The following KCNS3 variants were observed in gnomAD, a reference collection of about 807,000 sequenced individuals.
KCNS3 encodes potassium voltage-gated channel modifier subfamily S member 3, also known as delayed-rectifier potassium channel regulatory subunit KCNS3.
Under a neutral mutation model 31.0 loss-of-function variants are expected in KCNS3, and 13 were observed. That is an observed-to-expected ratio of 0.42 (90% CI 0.27 to 0.67). The LOEUF (loss-of-function observed/expected upper bound fraction) is 0.67. Ranked by LOEUF, KCNS3 falls within the 30% of genes least tolerant of loss-of-function variation. KCNS3 has a pLI of 0.25. For synonymous variants in KCNS3, 238 were observed against 241.5 expected, an observed-to-expected ratio of 0.99 and a Z score of 0.13; for missense variants, 545 against 622.4, an observed-to-expected ratio of 0.88 and a Z score of 1.32.
intron 1 of KCNS3, among the ~76,000 whole-genome samples, chr2:17,888,639 A>ATATATC (rs1558446978): frequency 1.3e-4 from 10 of 75,326 alleles, no homozygotes; most frequent in African/African-American, 2.9e-4. Context: ...GTATATATAT[A>ATATATC]TATATATATA....
intron 2 of KCNS3, among the ~76,000 whole-genome samples, chr2:17,929,282 T>TA (rs1225496531): frequency 6.6e-6 from 1 of 152,178 alleles, no homozygotes; most frequent in East Asian, 1.9e-4. Context: ...TTAATTGACT[T>TA]ACAGTTCTGC....
At chr2:17,927,288 A>G (rs938509067) in intron 2 of KCNS3, among the ~76,000 whole-genome samples, 1 of 152,150 alleles carries the variant, frequency 6.6e-6, no homozygotes, top group African/African-American at 2.4e-5. Flanking sequence ...CCACTCAACA[A>G]GTCTCTGGGA....
intron 1 of KCNS3, among the ~76,000 whole-genome samples, chr2:17,900,030 C>T (rs993678691): frequency 2.0e-5 from 3 of 152,114 alleles, no homozygotes; most frequent in African/African-American, 7.2e-5. Context: ...CATTGGAGAG[C>T]GGGCGTGGTC....
At chr2:17,889,260 T>C (rs965159876) in intron 1 of KCNS3, among the ~76,000 whole-genome samples, 13 of 152,196 alleles carry the variant, frequency 8.5e-5, no homozygotes, top group African/African-American at 3.1e-4. Context: ...GAGCTACTGA[T>C]TTGTGTACAT....
chr2:17,879,675 C>T (rs866797656), intron 1 of KCNS3, among the ~76,000 whole-genome samples: 5 of 152,338 alleles, frequency 3.3e-5, no homozygotes, highest in African/African-American at 1.2e-4. Flanking sequence ...TTGTCCTGCA[C>T]CCCCAACCCC....
At chr2:17,894,832 C>T (rs1661984736) in intron 1 of KCNS3, among the ~76,000 whole-genome samples, 1 of 152,190 alleles carries the variant, frequency 6.6e-6, no homozygotes, top group Non-Finnish European at 1.5e-5. Context: ...CCAAAGACCT[C>T]CTTTGCTTCC....
At chr2:17,885,273 T>C (rs968153763) in intron 1 of KCNS3, among the ~76,000 whole-genome samples, 5 of 152,254 alleles carry the variant, frequency 3.3e-5, no homozygotes, top group African/African-American at 1.2e-4. Context: ...CTTTTTGTGT[T>C]TCAGTGGGAC....
intron 1 of KCNS3, chr2:17,879,596 A>G (rs1674592761): frequency 6.6e-6 from 1 of 151,546 alleles, no homozygotes; most frequent in Non-Finnish European, 1.5e-5. Flanking sequence ...CACCTTGGCT[A>G]GCAAGCGAGC....
At chr2:17,913,360 G>A (rs1365777977) in intron 1 of KCNS3, among the ~76,000 whole-genome samples, 43 of 152,230 alleles carry the variant, frequency 2.8e-4, no homozygotes, top group Admixed American at 6.5e-5. Flanking sequence ...AGGAGTGGGC[G>A]TATTCAGCAG....
At chr2:17,886,293 A>G (rs901586433) in intron 1 of KCNS3, among the ~76,000 whole-genome samples, 3 of 152,198 alleles carry the variant, frequency 2.0e-5, no homozygotes, top group African/African-American at 7.2e-5. Flanking sequence ...ATTTCCTATG[A>G]TTTACTTGAG....
rs1663034038 is a variant in KCNS3, at chr2:17,932,772, A to C, written c.*288A>C. 1 of 298,814 alleles carries C rather than the reference A, an allele frequency of 3.3e-6. No homozygotes were observed. Among genetic ancestry groups the C allele is most frequent in the African/African-American group, 2.2e-5 (1 of 45,556 alleles). The allele number at this position is 298,814 out of a possible 1,614,324, so 18.5% of individuals were successfully genotyped here. ...TGGGGTTTGTGGCTACAGCTTATGC[A>C]TCATTCTGTGTTTGTCATTTACTCA... On this transcript the variant is annotated 3_prime_UTR_variant, in exon 3 of 3. Transcript: ENST00000304101.
intron 1 of KCNS3, among the ~76,000 whole-genome samples, chr2:17,899,190 C>T (rs1462700396): frequency 2.0e-5 from 3 of 152,258 alleles, no homozygotes; most frequent in East Asian, 1.9e-4. Context: ...CCCACCACTG[C>T]ACTCCAGCCT....
At chr2:17,887,996 C>A (rs796463183) in intron 1 of KCNS3, among the ~76,000 whole-genome samples, 1 of 151,832 alleles carries the variant, frequency 6.6e-6, no homozygotes. Context: ...CTATTTATGT[C>A]CTTAGCCCAC....
Position 17,932,199 on chromosome 2 carries a change from G to T in KCNS3, c.1191G>T (p.Val397=), listed in dbSNP as rs758979123. Residue 397 remains valine (V), a synonymous_variant, in exon 3 of 3, where the codon GTG becomes GTT. Coordinates refer to ENST00000304101, the MANE Select transcript of KCNS3 (RefSeq NM_002252.5). Reference sequence around the variant, plus strand: ...CATGCATCATCTGTGGCATCTTGGTGGTGGCCCTTCCCATCACCATCATCT... The same window carrying T: ...CATGCATCATCTGTGGCATCTTGGTTGTGGCCCTTCCCATCACCATCATCT... ...ASTCIICGIL[V]VALPITIIFN... 6.8e-6 allele frequency: 11 copies of T among 1,613,912 alleles called. No homozygotes were observed. The highest frequency in any genetic ancestry group is 9.3e-6 in the Non-Finnish European group (11 of 1,179,992).
chr2:17,884,939 T>G (rs1266426735), intron 1 of KCNS3, among the ~76,000 whole-genome samples: 1 of 151,822 alleles, frequency 6.6e-6, no homozygotes, highest in Non-Finnish European at 1.5e-5. Flanking sequence ...GTTGTTTTTT[T>G]TTTTTTTTTT....
At chr2:17,888,827 T>A (rs1370863634) in intron 1 of KCNS3, among the ~76,000 whole-genome samples, 1 of 151,770 alleles carries the variant, frequency 6.6e-6, no homozygotes, top group Non-Finnish European at 1.5e-5. Context: ...TTGGTGACTA[T>A]GGCCTTATAG....
intron 2 of KCNS3, among the ~76,000 whole-genome samples, chr2:17,922,118 T>C (rs964467186): frequency 1.3e-5 from 2 of 151,120 alleles, no homozygotes; most frequent in African/African-American, 2.4e-5. Flanking sequence ...TGTGGTGTTA[T>C]TGACCATATT....
intron 1 of KCNS3, among the ~76,000 whole-genome samples, chr2:17,887,078 A>C (rs1427767297): frequency 2.1e-5 from 3 of 143,656 alleles, no homozygotes; most frequent in African/African-American, 8.4e-5. Flanking sequence ...TTTCTCATGT[A>C]ATTTTTATTT....
rs538370535 is a variant in KCNS3, at chr2:17,898,326, G to T, written c.-251-19354G>T. 3.0e-5 allele frequency among the ~76,000 whole-genome samples: 4 copies of T among 135,414 alleles called. No homozygotes were observed. The South Asian group carries it at 9.7e-4, about 33-fold the overall frequency. 88.8% of individuals were successfully genotyped at this position (135,414 alleles called of 152,430 possible). On this transcript the variant is annotated intron_variant, in intron 1 of 2. Coordinates refer to ENST00000304101, the MANE Select transcript of KCNS3 (RefSeq NM_002252.5). ...TCCATATGAATTTCAAAGTAGTTTT[G>T]TCTAATTCTTTAAAAATGACATTAA... is the stretch of plus-strand genomic sequence containing the variant.
Sources: allele counts gnomAD v4.1 joint callset (sites outside exome capture counted in the v4.1 genomes callset), GRCh38; gene constraint gnomAD v4.1.1; transcripts MANE v1.5; gene names NCBI Gene and HGNC (gene_info 2026-07-23, HGNC 2026-07-21).